Variants in PRKD1 observed in about 807,000 individuals in gnomAD.
The protein encoded by PRKD1 is protein kinase D1, also known as serine/threonine-protein kinase D1.
PRKD1 carries 63 observed loss-of-function variants against 95.9 expected under a neutral mutation model. The observed-to-expected ratio is 0.66, with a 90% CI of 0.54 to 0.81. The LOEUF (loss-of-function observed/expected upper bound fraction) is 0.81. Ranked by LOEUF, PRKD1 falls within the 30% of genes least tolerant of loss-of-function variation. The pLI is 0.00. For synonymous variants in PRKD1, 425 were observed against 423.1 expected (o/e 1.00, Z -0.05); for missense variants, 1,048 against 1,165.3 (o/e 0.90, Z 1.47).
At chr14:29,818,331 A>G (rs1051870787) in intron 1 of PRKD1, among the ~76,000 whole-genome samples, 1 of 152,250 alleles carries the variant, frequency 6.6e-6, no homozygotes, top group Non-Finnish European at 1.5e-5. Context: ...AAATATCCAC[A>G]GCAGTTTATT....
rs1555334424 is a variant in PRKD1 at position 29,676,177 on chromosome 14, G to GGTTTTTTTTTTT, written c.404-9970_404-9969insAAAAAAAAAAAC. Among the ~76,000 whole-genome samples, 27 of 104,746 alleles carry GGTTTTTTTTTTT rather than the reference G, an allele frequency of 2.6e-4. 1 individual carries two copies. Among genetic ancestry groups the GGTTTTTTTTTTT allele is most frequent in the African/African-American group, 1.0e-3 (24 of 23,874 alleles). 68.7% of individuals were successfully genotyped at this position (104,746 alleles called of 152,430 possible). ...GCTGTAGGCATGCATAGTTCATTAC[G>GGTTTTTTTTTTT]TTTTTGTTTTTTTTTTTTTTTTTTT... On this transcript the variant is annotated intron_variant, in intron 2 of 17. Coordinates refer to ENST00000331968, the MANE Select transcript of PRKD1 (RefSeq NM_002742.3).
At chr14:29,778,427 T>C (rs531503026) in intron 1 of PRKD1, among the ~76,000 whole-genome samples, 4 of 152,110 alleles carry the variant, frequency 2.6e-5, no homozygotes, top group African/African-American at 9.6e-5. Flanking sequence ...AAGATTCAAA[T>C]AGACACAATA....
chr14:29,681,278 G>C (rs1883525394), intron 2 of PRKD1, among the ~76,000 whole-genome samples: 1 of 152,080 alleles, frequency 6.6e-6, no homozygotes, highest in Non-Finnish European at 1.5e-5. Context: ...ATTTCCTGGT[G>C]CAAATAAAAC....
chr14:29,676,605 G>C (rs905627609), intron 2 of PRKD1, among the ~76,000 whole-genome samples: 1 of 152,076 alleles, frequency 6.6e-6, no homozygotes, highest in African/African-American at 2.4e-5. Context: ...TGCCCGCCTC[G>C]GCCTCCCAAA....
At chr14:29,809,629 T>C (rs909277087) in intron 1 of PRKD1, among the ~76,000 whole-genome samples, 1 of 152,244 alleles carries the variant, frequency 6.6e-6, no homozygotes. Flanking sequence ...ACTTTTCTTC[T>C]GTAGCTTCCT....
At chr14:29,626,443 A>T in intron 12 of PRKD1, 41 bp downstream of exon 12, 1 of 1,523,692 alleles carries the variant, frequency 6.6e-7, no homozygotes, top group South Asian at 1.1e-5. Context: ...ATAACTAGCA[A>T]AAATTTTAAG....
At position 29,590,213 on chromosome 14, in the gene PRKD1, T is replaced by G. The variant is rs149251717; in HGVS notation, c.2434+7278A>C. Among the ~76,000 whole-genome samples the G allele has an allele frequency of 6.4e-3, 972 of 152,314 alleles. 7 individuals are homozygous for G. The highest frequency in any genetic ancestry group is 0.011 in the Non-Finnish European group (728 of 68,026). ...TTTGAGAAGAATCACTTTGAAAAAG[T>G]GTGATTTCTTTCCATCACAGATGAA... On this transcript the variant is annotated intron_variant, in intron 16 of 17. Transcript: ENST00000331968.
At chr14:29,854,315 G>A (rs2139344928) in intron 1 of PRKD1, among the ~76,000 whole-genome samples, 1 of 152,326 alleles carries the variant, frequency 6.6e-6, no homozygotes, top group African/African-American at 2.4e-5. Flanking sequence ...TGAAATCCAG[G>A]CTGAGATGGT....
At chr14:29,772,313 A>G (rs992827229) in intron 1 of PRKD1, among the ~76,000 whole-genome samples, 3 of 152,152 alleles carry the variant, frequency 2.0e-5, no homozygotes, top group African/African-American at 4.8e-5. Flanking sequence ...ACCCCTATAA[A>G]TGAGCCCTCA....
chr14:29,631,556 G>A (rs1487325526), intron 9 of PRKD1, among the ~76,000 whole-genome samples: 1 of 150,772 alleles, frequency 6.6e-6, no homozygotes, highest in Non-Finnish European at 1.5e-5. Context: ...CTGGAGTGCA[G>A]TGGCGTGATC....
At chr14:29,856,991 A>G (rs893859299) in intron 1 of PRKD1, among the ~76,000 whole-genome samples, 6 of 152,318 alleles carry the variant, frequency 3.9e-5, no homozygotes, top group African/African-American at 1.4e-4. Context: ...AGACTTCAGG[A>G]TCAAACAAAC....
At chr14:29,688,755 A>G (rs1401896106) in intron 2 of PRKD1, among the ~76,000 whole-genome samples, 2 of 151,936 alleles carry the variant, frequency 1.3e-5, no homozygotes, top group Admixed American at 1.3e-4. Context: ...AACACGGTGA[A>G]ACCTCATCTC....
chr14:29,921,403 A>AG, intron 1 of PRKD1, among the ~76,000 whole-genome samples: 1 of 151,602 alleles, frequency 6.6e-6, no homozygotes, highest in East Asian at 1.9e-4. Flanking sequence ...TAAGATAATA[A>AG]ATATAAATTT....
At chr14:29,675,351 T>C (rs1157078752) in intron 2 of PRKD1, among the ~76,000 whole-genome samples, 2 of 152,228 alleles carry the variant, frequency 1.3e-5, no homozygotes, top group East Asian at 1.9e-4. Flanking sequence ...AAGACCAAAA[T>C]TGAGATACAG....
chr14:29,825,529 C>T (rs1019076751), intron 1 of PRKD1, among the ~76,000 whole-genome samples: 2 of 148,890 alleles, frequency 1.3e-5, no homozygotes, highest in African/African-American at 2.4e-5. Context: ...AAAGTAGATA[C>T]TTGCCACTTC....
chr14:29,814,642 T>C (rs1057173291), intron 1 of PRKD1, among the ~76,000 whole-genome samples: 7 of 152,126 alleles, frequency 4.6e-5, no homozygotes, highest in African/African-American at 1.7e-4. Flanking sequence ...CAAAACCCTC[T>C]CCACTCAGCT....
chr14:29,788,622 T>C (rs1889382823), intron 1 of PRKD1, among the ~76,000 whole-genome samples: 1 of 152,184 alleles, frequency 6.6e-6, no homozygotes, highest in African/African-American at 2.4e-5. Flanking sequence ...CTTTTCTTAA[T>C]TGTGGCTTTG....
intron 1 of PRKD1, among the ~76,000 whole-genome samples, chr14:29,826,744 CACATATATATATACATATATATAT>C (rs1372515081): frequency 5.5e-5 from 2 of 36,300 alleles, no homozygotes; most frequent in Non-Finnish European, 1.1e-4. Flanking sequence ...CATATATATA[CACATATATATATACATATATATAT>C]ACACATATAT....
rs150599710 is a variant in PRKD1 at position 29,577,254 on chromosome 14, C to G, written c.2723G>C (p.Arg908Pro). ...EETEMKALGE[R>P]VSIL ...AGATGGAACTCAGAGGATGCTGACA[C>G]GCTCACCGAGGGCTTTCATTTCTGT... is the stretch of plus-strand genomic sequence containing the variant. The change falls in exon 18 of 18, where the codon CGT (arginine) becomes CCT (proline). Residue 908 changes from arginine to proline, a missense_variant. This residue lies in a region of PRKD1 where 739 missense variants were observed against 861.9 expected (regional missense o/e 0.86). Coordinates refer to ENST00000331968, the MANE Select transcript of PRKD1 (RefSeq NM_002742.3). 6.8e-6 allele frequency: 11 copies of G among 1,612,864 alleles called. No homozygotes were observed. Among genetic ancestry groups the G allele is most frequent in the Admixed American group, 3.3e-5 (2 of 59,922 alleles).
Sources: allele counts gnomAD v4.1 joint callset (sites outside exome capture counted in the v4.1 genomes callset), GRCh38; gene constraint gnomAD v4.1.1; regional missense constraint gnomAD v4.1.1; transcripts MANE v1.5; gene names NCBI Gene and HGNC (gene_info 2026-07-23, HGNC 2026-07-21).